The following SORBS2 variants were observed in gnomAD, a reference collection of about 807,000 sequenced individuals.
SORBS2 encodes the protein sorbin and SH3 domain-containing protein 2.
In SORBS2, 46 loss-of-function variants were observed where a neutral mutation model predicts 97.7. The observed-to-expected ratio is 0.47, with a 90% confidence interval of 0.37 to 0.60. SORBS2 has a LOEUF of 0.60. Among genes scored for constraint, SORBS2 ranks in the 20% least tolerant of loss-of-function variants. The probability of loss-of-function intolerance (pLI) is 0.00; values close to 1 mark genes in which losing one functional copy is unlikely to be tolerated. For missense variants in SORBS2, 1,316 were observed against 1,282.3 expected (o/e 1.03, Z -0.40); for synonymous variants, 476 against 473.4 (o/e 1.01, Z -0.07).
Position 185,839,411 on chromosome 4 carries a change from T to C in SORBS2, c.-337-64045A>G, listed in dbSNP as rs78033366. Among the ~76,000 whole-genome samples, 467 of 152,294 alleles carry C rather than the reference T, an allele frequency of 3.1e-3. 2 individuals carry two copies. Among genetic ancestry groups the C allele is most frequent in the African/African-American group, 0.011 (438 of 41,566 alleles). On this transcript the variant is annotated intron_variant, in intron 1 of 20. Transcript: ENST00000284776. ...TTTTACCCAGGACTCATTTCCTTAC[T>C]GCAGTTCTGAAGACAATGACCCTGG...
At chr4:185,628,972 C>T (rs114763309) in intron 5 of SORBS2, among the ~76,000 whole-genome samples, 47 of 152,300 alleles carry the variant, frequency 3.1e-4, no homozygotes, top group African/African-American at 1.0e-3. Flanking sequence ...TTAGACAAGA[C>T]TTGTGTAGAC....
chr4:185,930,456 C>A (rs1305531908), intron 1 of SORBS2, among the ~76,000 whole-genome samples: 5 of 151,790 alleles, frequency 3.3e-5, no homozygotes, highest in Non-Finnish European at 7.4e-5. Flanking sequence ...CACCACCACG[C>A]CCGGCTAATT....
At chr4:185,644,302 A>T (rs1341696410) in intron 4 of SORBS2, among the ~76,000 whole-genome samples, 3 of 152,150 alleles carry the variant, frequency 2.0e-5, no homozygotes, top group Non-Finnish European at 4.4e-5. Flanking sequence ...TGTCACACTC[A>T]TGGCTCCAGA....
intron 12 of SORBS2, among the ~76,000 whole-genome samples, chr4:185,599,619 T>C (rs910889265): frequency 6.6e-6 from 1 of 152,212 alleles, no homozygotes; most frequent in African/African-American, 2.4e-5. Context: ...TTCGGCACTG[T>C]AGATGCTTGG....
At chr4:185,605,474 G>A (rs77536054) in intron 12 of SORBS2, among the ~76,000 whole-genome samples, 1 of 151,740 alleles carries the variant, frequency 6.6e-6, no homozygotes, top group East Asian at 1.9e-4. Flanking sequence ...GTGGAGATGG[G>A]GGTTTTACCA....
At chr4:185,822,876 G>T (rs940890673) in intron 1 of SORBS2, among the ~76,000 whole-genome samples, 3 of 152,118 alleles carry the variant, frequency 2.0e-5, no homozygotes, top group African/African-American at 7.2e-5. Flanking sequence ...TCCAATTATG[G>T]CATTAAAGAA....
At chr4:185,721,022 G>A (rs1238104499) in intron 2 of SORBS2, among the ~76,000 whole-genome samples, 3 of 150,586 alleles carry the variant, frequency 2.0e-5, no homozygotes, top group African/African-American at 4.9e-5. Flanking sequence ...AGGATAGTGT[G>A]AGACAATCTA....
intron 4 of SORBS2, among the ~76,000 whole-genome samples, chr4:185,666,449 G>T (rs1163118882): frequency 6.6e-6 from 1 of 152,194 alleles, no homozygotes; most frequent in Non-Finnish European, 1.5e-5. Context: ...TGTAATTCTG[G>T]TTAGGGGCTT....
intron 1 of SORBS2, among the ~76,000 whole-genome samples, chr4:185,808,178 A>T (rs1277750120): frequency 6.6e-6 from 1 of 152,182 alleles, no homozygotes; most frequent in Non-Finnish European, 1.5e-5. Flanking sequence ...ATAATTAAGA[A>T]TTGCTATTTA....
chr4:185,612,020 A>G (rs2096546483), intron 11 of SORBS2, 40 bp from the exon 24 acceptor site: 4 of 1,275,992 alleles, frequency 3.1e-6, no homozygotes, highest in Middle Eastern at 3.7e-4. Context: ...AAACAGAGAT[A>G]GAATAACATG....
At chr4:185,674,417 T>C (rs2097763788) in intron 4 of SORBS2, among the ~76,000 whole-genome samples, 1 of 152,182 alleles carries the variant, frequency 6.6e-6, no homozygotes, top group African/African-American at 2.4e-5. Flanking sequence ...TGCCCCCTGC[T>C]TTGAGCCCCA....
chr4:185,751,475 G>T (rs1347411785), intron 2 of SORBS2, among the ~76,000 whole-genome samples: 6 of 152,180 alleles, frequency 3.9e-5, no homozygotes, highest in Non-Finnish European at 5.9e-5. Context: ...GCAAGAAACA[G>T]GTATCCTTAG....
intron 1 of SORBS2, among the ~76,000 whole-genome samples, chr4:185,809,896 A>G (rs2099172461): frequency 6.6e-6 from 1 of 152,168 alleles, no homozygotes; most frequent in South Asian, 2.1e-4. Context: ...ATTAATAGGA[A>G]ATCAGGTGCT....
At chr4:185,819,707 G>A (rs764585784) in intron 1 of SORBS2, among the ~76,000 whole-genome samples, 1 of 152,186 alleles carries the variant, frequency 6.6e-6, no homozygotes, top group African/African-American at 2.4e-5. Flanking sequence ...GGCTGACTCG[G>A]TGGGTTGCGG....
chr4:185,631,491 A>G (rs922272463), intron 4 of SORBS2, among the ~76,000 whole-genome samples: 1 of 152,194 alleles, frequency 6.6e-6, no homozygotes, highest in Non-Finnish European at 1.5e-5. Context: ...GGCTGGGTGC[A>G]GTGGCTCATG....
At chr4:185,658,694 T>G (rs2097452815), upstream of SORBS2, among the ~76,000 whole-genome samples, 2 of 56,862 alleles carry the variant, frequency 3.5e-5, no homozygotes, top group South Asian at 1.1e-3. Flanking sequence ...TAAGTAAGCT[T>G]TTTTTTTTTT....
At chr4:185,654,618 T>C (rs917209676) in intron 1 of SORBS2, among the ~76,000 whole-genome samples, 1 of 152,152 alleles carries the variant, frequency 6.6e-6, no homozygotes, top group Non-Finnish European at 1.5e-5. Context: ...AAAAATAAAA[T>C]ACGAAAACTC....
At chr4:185,899,661 A>G (rs966301703) in intron 1 of SORBS2, among the ~76,000 whole-genome samples, 5 of 152,200 alleles carry the variant, frequency 3.3e-5, no homozygotes, top group African/African-American at 1.2e-4. Context: ...TAGTTGAGTC[A>G]AGGGCTTGAT....
At chr4:185,852,567 G>T (rs2099218511) in intron 1 of SORBS2, among the ~76,000 whole-genome samples, 1 of 152,160 alleles carries the variant, frequency 6.6e-6, no homozygotes, top group Admixed American at 6.5e-5. Flanking sequence ...TATGGCTGTA[G>T]CTTTCTAGAG....
Sources: gnomAD v4.1 joint callset for allele counts (sites outside exome capture counted in the v4.1 genomes callset) on GRCh38, gnomAD v4.1.1 for gene constraint, MANE v1.5 for transcripts, NCBI Gene and HGNC (gene_info 2026-07-23, HGNC 2026-07-21) for gene names.